The following SND1 variants were observed in gnomAD, a reference collection of about 807,000 sequenced individuals.
SND1 encodes staphylococcal nuclease domain-containing protein 1.
Under a neutral mutation model 121.7 loss-of-function variants are expected in SND1, and 38 were observed. The observed-to-expected ratio is 0.31, with a 90% CI of 0.24 to 0.41. The LOEUF (loss-of-function observed/expected upper bound fraction) is 0.41. Among genes scored for constraint, SND1 ranks in the 10% least tolerant of loss-of-function variants. SND1 has a pLI of 1.00. For missense variants in SND1, 868 were observed against 1,184.6 expected (o/e 0.73, Z 3.92); for synonymous variants, 401 against 447.4 (o/e 0.90, Z 1.31).
At chr7:128,023,933 T>G (rs1803417090) in intron 16 of SND1, among the ~76,000 whole-genome samples, 1 of 152,130 alleles carries the variant, frequency 6.6e-6, no homozygotes, top group African/African-American at 2.4e-5. Flanking sequence ...GATAGTAATA[T>G]TGTCTGTATT....
intron 15 of SND1, among the ~76,000 whole-genome samples, chr7:127,964,551 G>A (rs1469582069): frequency 6.6e-6 from 1 of 151,758 alleles, no homozygotes; most frequent in Admixed American, 6.6e-5. Flanking sequence ...GTTTGTCAAA[G>A]ATCAGATAGT....
At chr7:127,857,461 C>T (rs1236221386) in intron 12 of SND1, among the ~76,000 whole-genome samples, 1 of 151,002 alleles carries the variant, frequency 6.6e-6, no homozygotes. Flanking sequence ...CCTCGCCCTC[C>T]CAAAGAACAC....
Position 128,084,666 on chromosome 7 carries a change from T to C in SND1, c.2111-58T>C, listed in dbSNP as rs996946267. On this transcript the variant is annotated intron_variant, in intron 18 of 23. Coordinates refer to ENST00000354725, the MANE Select transcript of SND1 (RefSeq NM_014390.4). ...TCCCCAACCACTCCCAGAAAAACCC[T>C]GCTGAGCCGTCGAGGAACCCAGCAC... 5 of 1,528,764 alleles carry C rather than the reference T, an allele frequency of 3.3e-6. No individual in the cohort carries two copies. The Admixed American group carries it at 9.8e-5, about 30-fold the overall frequency. The allele number at this position is 1,528,764 out of a possible 1,614,324, so 94.7% of individuals were successfully genotyped here. A position where few individuals can be genotyped will look rare whatever the true frequency, so the allele number is the denominator to read the frequency against.
intron 10 of SND1, among the ~76,000 whole-genome samples, chr7:127,801,526 C>T (rs565481513): frequency 7.2e-5 from 11 of 152,190 alleles, no homozygotes; most frequent in Admixed American, 2.0e-4. Flanking sequence ...CTGGAATCTG[C>T]ATCCATACAC....
intron 16 of SND1, among the ~76,000 whole-genome samples, chr7:128,061,924 C>T (rs115624488): frequency 0.01 from 1,534 of 152,330 alleles, 13 homozygotes; most frequent in South Asian, 0.029. Flanking sequence ...CTAGCACTGG[C>T]GCTGCAGGAG....
At chr7:128,038,210 A>G (rs1584755598) in intron 16 of SND1, among the ~76,000 whole-genome samples, 1 of 152,290 alleles carries the variant, frequency 6.6e-6, no homozygotes, top group East Asian at 1.9e-4. Context: ...CCAAAACAAT[A>G]TTTTTTCCCA....
Position 127,704,820 on chromosome 7 carries a change from C to G in SND1, c.841-19C>G. 6.3e-7 allele frequency: 1 copy of G among 1,599,524 alleles called. No homozygotes were observed. Among genetic ancestry groups the G allele is most frequent in the Non-Finnish European group, 8.6e-7 (1 of 1,166,906 alleles). On this transcript the variant is annotated intron_variant, in intron 7 of 23. Transcript: ENST00000354725. ...CAGAGTCTAATCCGTGCCTGCCTCT[C>G]ATGTACCTTGTTTTTCAGAATGGCA...
intron 21 of SND1, among the ~76,000 whole-genome samples, chr7:128,088,279 TAAAA>T (rs35128808): frequency 1.3e-4 from 14 of 104,332 alleles, no homozygotes; most frequent in Admixed American, 2.1e-4. Context: ...ACCCTGTCTC[TAAAA>T]AAAAAAAAAA....
At chr7:128,001,707 C>T (rs1282017983) in intron 16 of SND1, among the ~76,000 whole-genome samples, 3 of 152,082 alleles carry the variant, frequency 2.0e-5, no homozygotes, top group South Asian at 2.1e-4. Flanking sequence ...CAAGGTGGGC[C>T]GATTACCTGA....
intron 13 of SND1, among the ~76,000 whole-genome samples, chr7:127,895,866 C>T (rs1800108828): frequency 6.6e-6 from 1 of 152,076 alleles, no homozygotes; most frequent in Non-Finnish European, 1.5e-5. Context: ...TGTTCACTCC[C>T]TCCATCCCAT....
chr7:127,707,338 T>G (rs1334823846), intron 8 of SND1, among the ~76,000 whole-genome samples: 1 of 152,260 alleles, frequency 6.6e-6, no homozygotes, highest in Non-Finnish European at 1.5e-5. Context: ...CAAAAAATTG[T>G]ATGCCTGGAC....
At chr7:128,004,574 A>C (rs1267034073) in intron 16 of SND1, among the ~76,000 whole-genome samples, 15 of 152,232 alleles carry the variant, frequency 9.9e-5, no homozygotes, top group Non-Finnish European at 1.9e-4. Flanking sequence ...GGACATGAGT[A>C]GAGTACTGAC....
rs199594464 is a variant in SND1, at chr7:127,752,106, A to T, written c.1152+30706A>T. Among the ~76,000 whole-genome samples the T allele has an allele frequency of 9.8e-5, 15 of 152,296 alleles. No homozygotes were observed. In the East Asian group the frequency reaches 2.5e-3, roughly 25 times the overall value. ...TAGCATTTCTGCCTTTCCCCTTCTC[A>T]TCTTTTCCATTTTGTCACATCCTAG... On this transcript the variant is annotated intron_variant, in intron 10 of 23. Transcript: ENST00000354725.
At chr7:127,846,589 A>G (rs531495848) in intron 12 of SND1, among the ~76,000 whole-genome samples, 1 of 152,174 alleles carries the variant, frequency 6.6e-6, no homozygotes, top group East Asian at 1.9e-4. Context: ...TAGGAAATCA[A>G]TGAATTTGTT....
chr7:127,791,082 A>G (rs528694085), intron 10 of SND1, among the ~76,000 whole-genome samples: 2 of 151,012 alleles, frequency 1.3e-5, no homozygotes, highest in African/African-American at 4.9e-5. Context: ...AGCATTCCTG[A>G]TGCTTCTCCC....
At chr7:127,998,355 G>C (rs141188330) in intron 16 of SND1, 83 of 174,782 alleles carry the variant, frequency 4.7e-4, no homozygotes, top group Non-Finnish European at 9.0e-4. Context: ...ACCTGCCTGG[G>C]TCTCCCTGTC....
At chr7:127,704,097 C>T (rs762604724) in intron 7 of SND1, among the ~76,000 whole-genome samples, 5 of 152,104 alleles carry the variant, frequency 3.3e-5, no homozygotes, top group African/African-American at 9.7e-5. Context: ...CTTATAGTTC[C>T]GATTCTTGGA....
intron 14 of SND1, among the ~76,000 whole-genome samples, chr7:127,928,476 A>G (rs1800894042): frequency 1.3e-5 from 2 of 148,628 alleles, no homozygotes; most frequent in South Asian, 4.3e-4. Context: ...GGACAGGGTT[A>G]TAGGGACTAT....
intron 10 of SND1, among the ~76,000 whole-genome samples, chr7:127,796,995 C>T (rs1376350232): frequency 1.3e-5 from 2 of 149,112 alleles, no homozygotes; most frequent in Non-Finnish European, 1.5e-5. Flanking sequence ...TGGGTTCAAG[C>T]GATTCTCCTA....
Sources: allele counts gnomAD v4.1 joint callset (sites outside exome capture counted in the v4.1 genomes callset), GRCh38; gene constraint gnomAD v4.1.1; transcripts MANE v1.5; gene names NCBI Gene and HGNC (gene_info 2026-07-23, HGNC 2026-07-21).